Variants in TLN2 observed in about 807,000 individuals in gnomAD.
TLN2 encodes talin-2.
In TLN2, 118 loss-of-function variants were observed where a neutral mutation model predicts 294.7. The observed-to-expected ratio is 0.40, with a 90% CI of 0.34 to 0.47. The LOEUF (loss-of-function observed/expected upper bound fraction) is 0.47, where lower values mean the gene tolerates loss of function less well. Ranked by LOEUF, TLN2 falls within the 20% of genes least tolerant of loss-of-function variation. The pLI is 0.84. For missense variants in TLN2, 3,083 were observed against 3,282.2 expected (o/e 0.94, Z 1.48); for synonymous variants, 1,431 against 1,304.5 (o/e 1.10, Z -2.09).
intron 11 of TLN2, among the ~76,000 whole-genome samples, chr15:62,678,826 G>A (rs1344117921): frequency 2.0e-5 from 3 of 152,078 alleles, no homozygotes; most frequent in Non-Finnish European, 4.4e-5. Flanking sequence ...GCAAGACTCT[G>A]CCTCAAAATA....
intron 22 of TLN2, among the ~76,000 whole-genome samples, chr15:62,714,085 G>C (rs2059609935): frequency 3.3e-5 from 5 of 150,474 alleles, no homozygotes; most frequent in Admixed American, 3.3e-4. Flanking sequence ...AGAACTGTAG[G>C]GTAAATCTAG....
At chr15:62,433,035 A>G in intron 1 of TLN2, among the ~76,000 whole-genome samples, 1 of 152,196 alleles carries the variant, frequency 6.6e-6, no homozygotes, top group Non-Finnish European at 1.5e-5. Context: ...GTATGTTGAC[A>G]GAGGCATTGG....
At chr15:62,816,135 C>A (rs1442072498) in intron 52 of TLN2, among the ~76,000 whole-genome samples, 1 of 152,174 alleles carries the variant, frequency 6.6e-6, no homozygotes, top group Non-Finnish European at 1.5e-5. Flanking sequence ...CTGGGGAATC[C>A]TTTAGAGAAT....
At chr15:62,762,502 A>G (rs1050239258) in intron 39 of TLN2, 49 bp downstream of exon 39, 3 of 1,597,750 alleles carry the variant, frequency 1.9e-6, no homozygotes, top group Non-Finnish European at 2.6e-6. Flanking sequence ...TCAGCGGGGA[A>G]GGAGGAGGAT....
At chr15:62,469,259 CTGT>C (rs1172995620) in intron 1 of TLN2, among the ~76,000 whole-genome samples, 3 of 152,216 alleles carry the variant, frequency 2.0e-5, no homozygotes, top group Non-Finnish European at 4.4e-5. Flanking sequence ...CCATTTCTGT[CTGT>C]TCATGAGCAG....
chr15:62,578,934 A>T (rs1411553879), intron 1 of TLN2, among the ~76,000 whole-genome samples: 1 of 152,084 alleles, frequency 6.6e-6, no homozygotes, highest in African/African-American at 2.4e-5. Context: ...TATGTTGTGG[A>T]CTGGTGTTAG....
At chr15:62,796,418 A>C in intron 47 of TLN2, 125 bp downstream of exon 47, 2 of 1,143,878 alleles carry the variant, frequency 1.7e-6, no homozygotes, top group South Asian at 1.6e-5. Context: ...CAAGATGCAC[A>C]AGTTGGGAAA....
At chr15:62,498,393 G>A (rs566653458) in intron 1 of TLN2, among the ~76,000 whole-genome samples, 2 of 152,160 alleles carry the variant, frequency 1.3e-5, no homozygotes, top group South Asian at 2.1e-4. Flanking sequence ...CCCAAGGGTT[G>A]ACTTGCCTGT....
At chr15:62,835,854 T>G in intron 56 of TLN2, 37 bp from the exon 57 acceptor site, 1 of 1,614,198 alleles carries the variant, frequency 6.2e-7, no homozygotes, top group Non-Finnish European at 8.5e-7. Context: ...TGAGGGAGGT[T>G]TGGGCCTTGG....
intron 1 of TLN2, among the ~76,000 whole-genome samples, chr15:62,430,039 A>T (rs1326274859): frequency 6.6e-6 from 1 of 152,228 alleles, no homozygotes; most frequent in South Asian, 2.1e-4. Context: ...TGATATTCCT[A>T]AACTAGTTTA....
At chr15:62,840,442 CAA>C (rs776632179) in intron 58 of TLN2, 38 bp from the exon 59 acceptor site, 11 of 1,609,858 alleles carry the variant, frequency 6.8e-6, no homozygotes, top group South Asian at 6.6e-5. Context: ...GGGTTTTCTA[CAA>C]AGTGTTAGGT....
In TLN2 at chr15:62,496,300, C is replaced by G. The variant is rs567354485; in HGVS notation, c.-237-93387C>G. 5.9e-5 allele frequency among the ~76,000 whole-genome samples: 9 copies of G among 152,324 alleles called. No homozygotes were observed. In the East Asian group the frequency reaches 1.3e-3, roughly 23 times the overall value. ...AGAGAAGATTTACTTCTCAAAAGGC[C>G]TACTTGAATGTAGTTCACAAGCCTG... On this transcript the variant is annotated intron_variant, in intron 1 of 58. Transcript: ENST00000636159.
At chr15:62,640,786 T>C (rs1226919912) in intron 3 of TLN2, among the ~76,000 whole-genome samples, 1 of 152,140 alleles carries the variant, frequency 6.6e-6, no homozygotes, top group African/African-American at 2.4e-5. Context: ...GAACTATGTT[T>C]ATTTATTTTT....
At chr15:62,640,686 T>C (rs1429070629) in intron 3 of TLN2, among the ~76,000 whole-genome samples, 1 of 152,208 alleles carries the variant, frequency 6.6e-6, no homozygotes, top group Non-Finnish European at 1.5e-5. Flanking sequence ...GTTAGCTGCT[T>C]CGCACACACA....
intron 1 of TLN2, among the ~76,000 whole-genome samples, chr15:62,530,316 A>ATTTG (rs113403334): frequency 0.089 from 13,480 of 152,116 alleles, 1,997 homozygotes; most frequent in African/African-American, 0.31. Context: ...ATATAAATGT[A>ATTTG]TTTGTTTGTT....
At chr15:62,737,124 A>G in intron 29 of TLN2, 38 bp downstream of exon 29, 1 of 1,607,494 alleles carries the variant, frequency 6.2e-7, no homozygotes, top group Non-Finnish European at 8.5e-7. Flanking sequence ...TGTCATGGTC[A>G]TCATTAACGT....
chr15:62,397,634 G>A (rs747135593), intron 1 of TLN2, among the ~76,000 whole-genome samples: 1 of 152,158 alleles, frequency 6.6e-6, no homozygotes, highest in Non-Finnish European at 1.5e-5. Flanking sequence ...TCAACCCACT[G>A]GAAACCAGGG....
chr15:62,751,582 G>A (rs879611186), intron 34 of TLN2, among the ~76,000 whole-genome samples: 13 of 152,184 alleles, frequency 8.5e-5, no homozygotes, highest in Admixed American at 7.9e-4. Flanking sequence ...CAATACCACA[G>A]TCTCTCCACA....
chr15:62,418,865 C>T (rs1324047100), intron 1 of TLN2, among the ~76,000 whole-genome samples: 1 of 152,184 alleles, frequency 6.6e-6, no homozygotes, highest in East Asian at 1.9e-4. Context: ...GGAATGTCAT[C>T]AGTTAAGACT....
Sources: allele counts gnomAD v4.1 joint callset (sites outside exome capture counted in the v4.1 genomes callset), GRCh38; gene constraint gnomAD v4.1.1; transcripts MANE v1.5; gene names NCBI Gene and HGNC (gene_info 2026-07-23, HGNC 2026-07-21).